Variants in DOCK8 observed in about 807,000 individuals in gnomAD.
DOCK8 encodes dedicator of cytokinesis 8.
Under a neutral mutation model 245.6 loss-of-function variants are expected in DOCK8, and 141 were observed. That is an observed-to-expected ratio of 0.57 (90% CI 0.50 to 0.66). The LOEUF (loss-of-function observed/expected upper bound fraction) is 0.66, where lower values mean the gene tolerates loss of function less well. DOCK8 is among the 30% of genes least tolerant of loss of function. The pLI is 0.00. For synonymous variants in DOCK8, 1,168 were observed against 970.2 expected (o/e 1.20, Z -3.79); for missense variants, 2,965 against 2,603.4 (o/e 1.14, Z -3.02).
At chr9:216,537 CAAAAA>C (rs59529982) in intron 1 of DOCK8, among the ~76,000 whole-genome samples, 2 of 88,922 alleles carry the variant, frequency 2.2e-5, no homozygotes, top group African/African-American at 4.5e-5. Flanking sequence ...AAAAAACAGA[CAAAAA>C]AAAAAAAAAA....
intron 1 of DOCK8, among the ~76,000 whole-genome samples, chr9:231,460 C>G (rs568964657): frequency 8.5e-5 from 13 of 152,198 alleles, no homozygotes; most frequent in South Asian, 4.2e-4. Context: ...TAGCTTGATG[C>G]GGATGGCTTG....
At chr9:221,930 A>G (rs2046891807) in intron 1 of DOCK8, among the ~76,000 whole-genome samples, 2 of 152,070 alleles carry the variant, frequency 1.3e-5, no homozygotes, top group African/African-American at 4.8e-5. Context: ...AAAATGATTT[A>G]TTAAATTAAT....
chr9:233,660 T>C (rs1364968296), intron 1 of DOCK8, among the ~76,000 whole-genome samples: 1 of 152,206 alleles, frequency 6.6e-6, no homozygotes, highest in East Asian at 1.9e-4. Context: ...AATGGCCTTC[T>C]TTGTCTCTTT....
chr9:388,884 G>A (rs1298862037), intron 23 of DOCK8, among the ~76,000 whole-genome samples: 3 of 152,084 alleles, frequency 2.0e-5, no homozygotes, highest in Non-Finnish European at 2.9e-5. Context: ...ACTGTCAAGA[G>A]CAATGTTTGC....
intron 1 of DOCK8, among the ~76,000 whole-genome samples, chr9:256,285 A>G (rs1185665420): frequency 6.6e-6 from 1 of 152,214 alleles, no homozygotes; most frequent in Non-Finnish European, 1.5e-5. Context: ...ACTTCTGGAA[A>G]AGGCTCAGTG....
chr9:336,542 A>G, intron 11 of DOCK8, 40 bp from the exon 12 acceptor site: 13 of 1,613,842 alleles, frequency 8.1e-6, no homozygotes, highest in Non-Finnish European at 1.0e-5. Flanking sequence ...GTGTTTGAAC[A>G]GAAAGGCATA....
At chr9:403,942 ATGTG>A (rs1225157680) in intron 26 of DOCK8, among the ~76,000 whole-genome samples, 1,270 of 81,810 alleles carry the variant, frequency 0.016, 67 homozygotes, top group African/African-American at 0.083. Flanking sequence ...GTATATATAT[ATGTG>A]TATATATATA....
At chr9:357,351 A>G (rs1357275350) in intron 14 of DOCK8, among the ~76,000 whole-genome samples, 3 of 152,238 alleles carry the variant, frequency 2.0e-5, no homozygotes, top group African/African-American at 4.8e-5. Flanking sequence ...TCATATTCAA[A>G]TTGCAGATCA....
chr9:350,610 C>G (rs2052116276), intron 14 of DOCK8, among the ~76,000 whole-genome samples: 1 of 152,120 alleles, frequency 6.6e-6, no homozygotes, highest in Non-Finnish European at 1.5e-5. Flanking sequence ...ACGAGCCAAC[C>G]CACGGAGGAA....
At chr9:285,220 G>A (rs72701255) in intron 2 of DOCK8, among the ~76,000 whole-genome samples, 3,254 of 152,130 alleles carry the variant, frequency 0.021, 114 homozygotes, top group African/African-American at 0.072. Flanking sequence ...GGGAGGGGAC[G>A]AGGCCTGCCA....
intron 1 of DOCK8, among the ~76,000 whole-genome samples, chr9:245,236 A>G (rs754919775): frequency 1.3e-5 from 2 of 152,018 alleles, no homozygotes; most frequent in African/African-American, 2.4e-5. Flanking sequence ...ATGAAGTCTC[A>G]CACTGTCACC....
intron 29 of DOCK8, 41 bp from the exon 30 acceptor site, chr9:418,027 T>C (rs753640442): frequency 6.2e-7 from 1 of 1,613,824 alleles, no homozygotes; most frequent in Non-Finnish European, 8.5e-7. Context: ...TGGGGAAATG[T>C]CATGTTTGAC....
intron 46 of DOCK8, chr9:454,484 C>A (rs1039404064): frequency 6.6e-6 from 1 of 152,088 alleles, no homozygotes; most frequent in African/African-American, 2.4e-5. Flanking sequence ...AACCTATCCC[C>A]GAGAATGAGG....
intron 4 of DOCK8, among the ~76,000 whole-genome samples, chr9:299,775 A>G (rs2049446274): frequency 6.6e-6 from 1 of 151,804 alleles, no homozygotes; most frequent in African/African-American, 2.4e-5. Flanking sequence ...TAATCCCAGC[A>G]CTTTGGGAGG....
chr9:429,165 C>G (rs781457153), intron 35 of DOCK8, among the ~76,000 whole-genome samples: 17 of 152,146 alleles, frequency 1.1e-4, no homozygotes, highest in Non-Finnish European at 1.8e-4. Flanking sequence ...CAGGGTTTCA[C>G]CATGTTGGCC....
In DOCK8 at chr9:376,317, C is replaced by T. The variant is rs1319063064; in HGVS notation, c.2205+12C>T. The T allele has an allele frequency of 6.4e-7, 1 of 1,570,838 alleles. No homozygotes were observed. The highest frequency in any genetic ancestry group is 1.4e-5 in the African/African-American group (1 of 74,020). On this transcript the variant is annotated intron_variant, in intron 19 of 47. Transcript: ENST00000432829. Reference sequence around the variant, plus strand: ...CTGTACACACCCAGGTAAGGAATGTCAAGGTTAATCATGAAGGTAAAGGTG... The same window carrying T: ...CTGTACACACCCAGGTAAGGAATGTTAAGGTTAATCATGAAGGTAAAGGTG...
intron 35 of DOCK8, among the ~76,000 whole-genome samples, chr9:429,159 G>A (rs1258503368): frequency 6.6e-6 from 1 of 152,072 alleles, no homozygotes; most frequent in Admixed American, 6.5e-5. Context: ...TAGAGACAGG[G>A]TTTCACCATG....
chr9:460,225 C>T (rs1421669179), intron 46 of DOCK8: 1 of 152,198 alleles, frequency 6.6e-6, no homozygotes, highest in Admixed American at 6.5e-5. Context: ...CAGTTGTCTG[C>T]ATATAACACA....
intron 1 of DOCK8, among the ~76,000 whole-genome samples, chr9:240,290 T>G (rs2047347782): frequency 6.6e-6 from 1 of 152,114 alleles, no homozygotes; most frequent in South Asian, 2.1e-4. Context: ...AAGATGGAAC[T>G]AAACCCATTA....
Sources: gnomAD v4.1 joint callset for allele counts (sites outside exome capture counted in the v4.1 genomes callset) on GRCh38, gnomAD v4.1.1 for gene constraint, MANE v1.5 for transcripts, NCBI Gene and HGNC (gene_info 2026-07-23, HGNC 2026-07-21) for gene names.